PCSK6: variants seen among roughly 807,000 people sequenced by gnomAD.
PCSK6 encodes the protein paired basic amino acid cleaving enzyme 4.
A neutral mutation model predicts 123.3 loss-of-function variants in PCSK6; 85 were observed. That is an observed-to-expected ratio of 0.69 (90% CI 0.58 to 0.83). The LOEUF (loss-of-function observed/expected upper bound fraction) is 0.83, where lower values mean the gene tolerates loss of function less well. PCSK6 is among the 40% of genes least tolerant of loss of function. The probability of loss-of-function intolerance (pLI) is 0.00; values close to 1 mark genes in which losing one functional copy is unlikely to be tolerated. For synonymous variants in PCSK6, 508 were observed against 516.0 expected, an observed-to-expected ratio of 0.98 and a Z score of 0.21; for missense variants, 1,191 against 1,282.3, an observed-to-expected ratio of 0.93 and a Z score of 1.09.
In PCSK6 at chr15:101,443,584, G is replaced by A. The variant is rs760402797; in HGVS notation, c.374C>T (p.Pro125Leu). 4 of 1,613,620 alleles carry A rather than the reference G, an allele frequency of 2.5e-6. No individual in the cohort carries two copies. The highest frequency in any genetic ancestry group is 4.5e-5 in the East Asian group (2 of 44,896). Residue 125 changes from proline to leucine, a missense_variant, in exon 2 of 22, where the codon CCT becomes CTT. Physicochemically the swap from Pro to Leu is moderately conservative, Grantham distance 98. This residue lies in a region of PCSK6 where 204 missense variants were observed against 166.4 expected (regional missense o/e 1.23). Transcript: ENST00000611716. Reference protein sequence around the residue: ...FKRSTLSSRGPHTFLRMDPQV... With the variant: ...FKRSTLSSRGLHTFLRMDPQV... Reference sequence around the variant, plus strand: ...GGGGTCCATTCTGAGGAAGGTGTGAGGGCCTCTGCTACTCAAGGTTGATCT... The same window carrying A: ...GGGGTCCATTCTGAGGAAGGTGTGAAGGCCTCTGCTACTCAAGGTTGATCT...
intron 20 of PCSK6, among the ~76,000 whole-genome samples, chr15:101,312,816 C>T (rs181248270): frequency 0.013 from 1,922 of 147,842 alleles, 48 homozygotes; most frequent in African/African-American, 0.047. Flanking sequence ...GGGCGACAGG[C>T]GAGACTCCAT....
chr15:101,387,800 C>G (rs1349824128), intron 9 of PCSK6, among the ~76,000 whole-genome samples: 1 of 30,028 alleles, frequency 3.3e-5, no homozygotes, highest in Non-Finnish European at 1.2e-4. Context: ...AGAAGGCGGC[C>G]TGGGGCCAAC....
intron 15 of PCSK6, among the ~76,000 whole-genome samples, chr15:101,328,280 C>G (rs1403079440): frequency 6.6e-6 from 1 of 152,198 alleles, no homozygotes; most frequent in East Asian, 1.9e-4. Context: ...ATAAAGTGAA[C>G]AATTTCCTTC....
chr15:101,481,377 C>A (rs762537818), intron 1 of PCSK6, among the ~76,000 whole-genome samples: 2 of 150,934 alleles, frequency 1.3e-5, no homozygotes, highest in African/African-American at 4.9e-5. Context: ...GGCTGAGGGG[C>A]GAACCTGGTG....
At chr15:101,397,613 T>C (rs58016487) in intron 7 of PCSK6, among the ~76,000 whole-genome samples, 175 of 152,280 alleles carry the variant, frequency 1.1e-3, no homozygotes, top group African/African-American at 3.6e-3. Context: ...GGCTGGGACC[T>C]GTTCGGCCAC....
At chr15:101,453,812 G>T (rs1017143042) in intron 1 of PCSK6, among the ~76,000 whole-genome samples, 2 of 152,228 alleles carry the variant, frequency 1.3e-5, no homozygotes, top group Non-Finnish European at 2.9e-5. Flanking sequence ...CTCATCTAGA[G>T]AATTTGCCAG....
chr15:101,412,736 T>C (rs905293782), intron 6 of PCSK6, among the ~76,000 whole-genome samples: 3 of 141,560 alleles, frequency 2.1e-5, no homozygotes, highest in African/African-American at 7.8e-5. Flanking sequence ...CTGAACAACA[T>C]AAAGAAAAAA....
intron 6 of PCSK6, among the ~76,000 whole-genome samples, chr15:101,406,924 CAGG>C (rs1043976591): frequency 5.9e-5 from 9 of 152,296 alleles, no homozygotes; most frequent in Admixed American, 5.9e-4. Flanking sequence ...GCCCTGGATC[CAGG>C]AGATGAGGTC....
intron 9 of PCSK6, among the ~76,000 whole-genome samples, chr15:101,388,769 G>A (rs7162154): frequency 0.64 from 97,167 of 151,978 alleles, 31,813 homozygotes; most frequent in Admixed American, 0.73. Context: ...CCTTAAAGAC[G>A]TTATGTGAAG....
intron 13 of PCSK6, among the ~76,000 whole-genome samples, chr15:101,358,428 C>T (rs377548984): frequency 6.6e-5 from 10 of 152,230 alleles, no homozygotes; most frequent in Non-Finnish European, 1.3e-4. Flanking sequence ...ACTTGGGGCA[C>T]TCCTCTGGGT....
In PCSK6 at chr15:101,398,907, A is replaced by T. The variant is rs201559213; in HGVS notation, c.824-331T>A. Among the ~76,000 whole-genome samples the T allele has an allele frequency of 1.5e-3, 143 of 97,952 alleles. 1 individual carries two copies. Among genetic ancestry groups the T allele is most frequent in the African/African-American group, 3.2e-3 (91 of 28,412 alleles). The allele number at this position is 97,952 out of a possible 152,430, so 64.3% of individuals were successfully genotyped here. A position where few individuals can be genotyped will look rare whatever the true frequency, so the allele number is the denominator to read the frequency against. On this transcript the variant is annotated intron_variant, in intron 6 of 21. Transcript: ENST00000611716. This position sits in a 1 kb window ranked among gnomAD's most constrained non-coding sequence, Gnocchi z 4.6. ...CCTATTATTATTATTATTATTATTT[A>T]TTATTATTATTTTGAGACAGAGTCT... is the stretch of plus-strand genomic sequence containing the variant.
intron 6 of PCSK6, among the ~76,000 whole-genome samples, chr15:101,422,360 G>T (rs1358057132): frequency 3.9e-5 from 6 of 152,214 alleles, no homozygotes; most frequent in African/African-American, 1.4e-4. Flanking sequence ...AGAGGCTGGA[G>T]GAGCTGAGCA....
chr15:101,449,068 T>C (rs1482452013), intron 1 of PCSK6, among the ~76,000 whole-genome samples: 1 of 152,188 alleles, frequency 6.6e-6, no homozygotes, highest in Non-Finnish European at 1.5e-5. Flanking sequence ...TATATATATG[T>C]ATACAGTCAT....
intron 14 of PCSK6, 30 bp downstream of exon 14, chr15:101,331,822 G>C (rs750523003): frequency 1.2e-6 from 2 of 1,610,152 alleles, no homozygotes; most frequent in Admixed American, 3.3e-5. Flanking sequence ...CGTGGAAGCT[G>C]GCCGTCTCCT....
chr15:101,327,912 G>A (rs1249868313), intron 15 of PCSK6, among the ~76,000 whole-genome samples: 1 of 151,968 alleles, frequency 6.6e-6, no homozygotes, highest in Admixed American at 6.6e-5. Context: ...TTCCTGGGCG[G>A]TGCTGGTATC....
In PCSK6 at chr15:101,443,544, G is replaced by A. The variant is rs749632458; in HGVS notation, c.402+12C>T. On this transcript the variant is annotated intron_variant, in intron 2 of 21. Coordinates refer to ENST00000611716, the MANE Select transcript of PCSK6 (RefSeq NM_002570.5). ...CCTCCAGCCCTTAGGAAAGCATCCG[G>A]ACACTCTGTACCTGGGGGTCCATTC... is the stretch of plus-strand genomic sequence containing the variant. 2 of 1,586,512 alleles carry A rather than the reference G, an allele frequency of 1.3e-6. No individual in the cohort carries two copies. Among genetic ancestry groups the A allele is most frequent in the East Asian group, 4.5e-5 (2 of 44,750 alleles).
chr15:101,420,526 A>T (rs1037320627), intron 6 of PCSK6, among the ~76,000 whole-genome samples: 17 of 151,774 alleles, frequency 1.1e-4, no homozygotes, highest in Non-Finnish European at 1.5e-5. Context: ...ATGCCCGGCT[A>T]AATTTTTCAA....
At chr15:101,473,903 TAATGAATG>T (rs35214052) in intron 1 of PCSK6, among the ~76,000 whole-genome samples, 1 of 149,502 alleles carries the variant, frequency 6.7e-6, no homozygotes, top group African/African-American at 2.5e-5. Flanking sequence ...AATAAATAAA[TAATGAATG>T]AATGAATGAA....
At chr15:101,445,231 T>C (rs546951635) in intron 1 of PCSK6, among the ~76,000 whole-genome samples, 2 of 152,308 alleles carry the variant, frequency 1.3e-5, no homozygotes, top group African/African-American at 4.8e-5. Flanking sequence ...CACTCCCTTC[T>C]CTGGGTCTGG....
Sources: gnomAD v4.1 joint callset for allele counts (sites outside exome capture counted in the v4.1 genomes callset) on GRCh38, gnomAD v4.1.1 for gene constraint, gnomAD v4.1.1 regional missense constraint, Gnocchi (gnomAD v3.1) non-coding constraint, MANE v1.5 for transcripts, NCBI Gene and HGNC (gene_info 2026-07-23, HGNC 2026-07-21) for gene names.